Variants in SHISAL2A observed in about 807,000 individuals in gnomAD.
SHISAL2A encodes the protein protein shisa-like-2A.
Under a neutral mutation model 11.5 loss-of-function variants are expected in SHISAL2A, and 18 were observed. The observed-to-expected ratio is 1.57, with a 90% CI of 1.08 to 2.33. SHISAL2A has a LOEUF of 2.33. SHISAL2A is among the 30% of genes most tolerant of loss of function. SHISAL2A has a pLI of 0.00. For synonymous variants in SHISAL2A, 94 were observed against 99.6 expected (o/e 0.94, Z 0.34); for missense variants, 261 against 250.9 (o/e 1.04, Z -0.27).
chr1:52,665,032 G>A (rs550144897), intron 4 of SHISAL2A, among the ~76,000 whole-genome samples: 3 of 152,126 alleles, frequency 2.0e-5, no homozygotes, highest in Admixed American at 1.3e-4. Context: ...CAAGCAATCC[G>A]CCAGCCAGCC....
At position 52,633,603 on chromosome 1, in the gene SHISAL2A, G is replaced by T. The variant is rs533943724; in HGVS notation, c.110G>T (p.Arg37Leu). 14 of 1,612,378 alleles carry T rather than the reference G, an allele frequency of 8.7e-6. No homozygotes were observed. Among genetic ancestry groups the T allele is most frequent in the Non-Finnish European group, 1.1e-5 (13 of 1,179,424 alleles). ...GCCGCTGTCTTCTGCTGCGGCTTCCGCGACCACAAGTACTGCTGCGACGAC... is the reference window on the plus strand; with the variant it reads ...GCCGCTGTCTTCTGCTGCGGCTTCCTCGACCACAAGTACTGCTGCGACGAC... ...EAAAVFCCGF[R>L]DHKYCCDDPH... is the part of the protein sequence containing the mutation. The change falls in exon 1 of 3, where the codon CGC becomes CTC. Residue 37 changes from arginine (R) to leucine (L), a missense_variant. Coordinates refer to ENST00000517870, the MANE Select transcript of SHISAL2A (RefSeq NM_001042693.3). This position sits in a 1 kb window ranked among gnomAD's most constrained non-coding sequence, Gnocchi z 6.4.
chr1:52,645,177 A>G (rs901481989), intron 2 of SHISAL2A, among the ~76,000 whole-genome samples: 1 of 152,208 alleles, frequency 6.6e-6, no homozygotes, highest in Admixed American at 6.5e-5. Flanking sequence ...ATAAAAATAC[A>G]ACAAGCAACA....
rs187613960 is a variant in SHISAL2A at position 52,636,860 on chromosome 1, C to G, written c.182+3185C>G. 2.0e-5 allele frequency among the ~76,000 whole-genome samples: 3 copies of G among 152,326 alleles called. No individual in the cohort carries two copies. The East Asian group carries it at 5.8e-4, about 29-fold the overall frequency. On this transcript the variant is annotated intron_variant, in intron 1 of 2. Transcript: ENST00000517870. ...GTCCTGTCTACTACTGTCTGGATCT[C>G]TCTTAACAACCTGATCCACTCAGAT...
chr1:52,642,123 T>C (rs1332677370), intron 1 of SHISAL2A, among the ~76,000 whole-genome samples: 3 of 151,998 alleles, frequency 2.0e-5, no homozygotes, highest in Non-Finnish European at 4.4e-5. Flanking sequence ...AGAAAAGAAA[T>C]TACCTAAGGC....
intron 4 of SHISAL2A, among the ~76,000 whole-genome samples, chr1:52,664,875 A>T (rs548050716): frequency 6.6e-6 from 1 of 151,658 alleles, no homozygotes; most frequent in South Asian, 2.1e-4. Context: ...TGCAGTCTTG[A>T]CCTCCCTGGC....
Position 52,642,897 on chromosome 1 carries a change from G to T in SHISAL2A, c.217G>T (p.Val73Leu). The T allele has an allele frequency of 6.2e-7, 1 of 1,613,864 alleles. No individual in the cohort carries two copies. The highest frequency in any genetic ancestry group is 8.5e-7 in the Non-Finnish European group (1 of 1,180,030). ...GALIGLSVAA[V>L]VLLAFIVTAC... is the part of the protein sequence containing the mutation. ...TCTCATAGGCCTGTCCGTAGCAGCA[G>T]TGGTTCTTCTCGCCTTCATTGTTAC... Residue 73 changes from valine (V) to leucine (L), a missense_variant, in exon 2 of 3, where the codon GTG becomes TTG. Coordinates refer to ENST00000517870, the MANE Select transcript of SHISAL2A (RefSeq NM_001042693.3).
chr1:52,661,402 G>A (rs1691904635), downstream of SHISAL2A, among the ~76,000 whole-genome samples: 1 of 152,194 alleles, frequency 6.6e-6, no homozygotes, highest in South Asian at 2.1e-4. Flanking sequence ...TTGGGCCCTA[G>A]ACATCTGTCC....
chr1:52,663,771 AAAAG>A (rs1325384919), intron 4 of SHISAL2A, among the ~76,000 whole-genome samples: 3 of 152,160 alleles, frequency 2.0e-5, no homozygotes, highest in Non-Finnish European at 1.5e-5. Flanking sequence ...AAAAAAAAAG[AAAAG>A]AAAGAAAGAA....
intron 2 of SHISAL2A, among the ~76,000 whole-genome samples, chr1:52,645,223 A>G (rs1174782800): frequency 6.6e-6 from 1 of 152,170 alleles, no homozygotes; most frequent in Non-Finnish European, 1.5e-5. Context: ...ATGACTGTGA[A>G]TAATCCAGCT....
At chr1:52,645,937 AAAG>A (rs1315529401) in intron 2 of SHISAL2A, among the ~76,000 whole-genome samples, 1 of 152,206 alleles carries the variant, frequency 6.6e-6, no homozygotes, top group African/African-American at 2.4e-5. Context: ...TTTGGAAAAC[AAAG>A]AAGAGGAGGG....
chr1:52,662,306 G>A (rs1261688086), intron 4 of SHISAL2A, among the ~76,000 whole-genome samples: 1 of 151,924 alleles, frequency 6.6e-6, no homozygotes, highest in Non-Finnish European at 1.5e-5. Context: ...GGTAGAGGAA[G>A]CATTCTATCC....
chr1:52,651,892 G>A (rs1180930446), intron 2 of SHISAL2A, among the ~76,000 whole-genome samples: 3 of 152,182 alleles, frequency 2.0e-5, no homozygotes, highest in Non-Finnish European at 4.4e-5. Context: ...TAGGCCAGTT[G>A]TATTTTCTAC....
intron 2 of SHISAL2A, among the ~76,000 whole-genome samples, chr1:52,654,507 T>C (rs897082750): frequency 6.6e-6 from 1 of 152,208 alleles, no homozygotes; most frequent in African/African-American, 2.4e-5. Flanking sequence ...CATAAGGTTG[T>C]CCAACAGATT....
intron 1 of SHISAL2A, among the ~76,000 whole-genome samples, chr1:52,639,721 C>T (rs563157112): frequency 7.9e-4 from 121 of 152,218 alleles, no homozygotes; most frequent in African/African-American, 2.8e-3. Flanking sequence ...CCACTGCACT[C>T]CAGCCGGGGC....
intron 2 of SHISAL2A, among the ~76,000 whole-genome samples, chr1:52,646,737 A>G (rs1160935329): frequency 1.3e-5 from 2 of 152,176 alleles, no homozygotes; most frequent in Admixed American, 1.3e-4. Flanking sequence ...CTCTCATGGT[A>G]CAAGCAAGTG....
chr1:52,637,316 CCGG>C (rs1181196445), intron 1 of SHISAL2A, among the ~76,000 whole-genome samples: 2 of 152,194 alleles, frequency 1.3e-5, no homozygotes, highest in African/African-American at 4.8e-5. Context: ...AATAACTCTT[CCGG>C]CATGCTCCTA....
Position 52,633,558 on chromosome 1 carries a change from C to G in SHISAL2A, c.65C>G (p.Pro22Arg), listed in dbSNP as rs568400573. Residue 22 changes from proline to arginine, a missense_variant, in exon 1 of 3, where the codon CCG (proline) becomes CGG (arginine). Transcript: ENST00000517870. The surrounding 1 kb of genome is among the most constrained non-coding windows in gnomAD (Gnocchi z 6.4). ...GAGGTGGTGCGCGGCTTCAGCTGCCCGCGGCCGGGGGGCGAGGCGGCCGCT... is the reference window on the plus strand; with the variant it reads ...GAGGTGGTGCGCGGCTTCAGCTGCCGGCGGCCGGGGGGCGAGGCGGCCGCT... ...EQEVVRGFSC[P>R]RPGGEAAAVF... 1 of 1,610,444 alleles carries G rather than the reference C, an allele frequency of 6.2e-7. No individual in the cohort carries two copies. Among genetic ancestry groups the G allele is most frequent in the East Asian group, 2.2e-5 (1 of 44,460 alleles).
chr1:52,633,734 C>A lies in SHISAL2A; in HGVS notation c.182+59C>A. On this transcript the variant is annotated intron_variant, in intron 1 of 2. Coordinates refer to ENST00000517870, the MANE Select transcript of SHISAL2A (RefSeq NM_001042693.3). The surrounding 1 kb of genome is among the most constrained non-coding windows in gnomAD (Gnocchi z 6.4). ...CCACTCCAGTCTCAGCGCCTTCACC[C>A]CAGCCTCAGCCCCCACCCGAGTGTC... 1.4e-6 allele frequency: 2 copies of A among 1,416,510 alleles called. No homozygotes were observed. Among genetic ancestry groups the A allele is most frequent in the Non-Finnish European group, 2.0e-6 (2 of 1,017,394 alleles). The allele number at this position is 1,416,510 out of a possible 1,614,324, so 87.7% of individuals were successfully genotyped here. A position where few individuals can be genotyped will look rare whatever the true frequency, so the allele number is the denominator to read the frequency against.
At chr1:52,649,609 C>G (rs1691581983) in intron 2 of SHISAL2A, among the ~76,000 whole-genome samples, 2 of 152,230 alleles carry the variant, frequency 1.3e-5, no homozygotes, top group Non-Finnish European at 2.9e-5. Context: ...CTTTCTTATT[C>G]TGGTACTTTG....
Sources: allele counts gnomAD v4.1 joint callset (sites outside exome capture counted in the v4.1 genomes callset), GRCh38; gene constraint gnomAD v4.1.1; non-coding constraint Gnocchi (gnomAD v3.1); transcripts MANE v1.5; gene names NCBI Gene and HGNC (gene_info 2026-07-23, HGNC 2026-07-21).